The following TBCD variants were observed in gnomAD, a reference collection of about 807,000 sequenced individuals.
The protein encoded by TBCD is tubulin-specific chaperone D.
A neutral mutation model predicts 169.3 loss-of-function variants in TBCD; 105 were observed. The observed-to-expected ratio is 0.62, with a 90% CI of 0.53 to 0.73. TBCD has a LOEUF of 0.73. Among genes scored for constraint, TBCD ranks in the 30% least tolerant of loss-of-function variants. The pLI, the probability that TBCD is intolerant of heterozygous loss-of-function variation, is 0.00. For synonymous variants in TBCD, 700 were observed against 643.9 expected, an observed-to-expected ratio of 1.09 and a Z score of -1.32; for missense variants, 1,444 against 1,600.1, an observed-to-expected ratio of 0.90 and a Z score of 1.66.
chr17:82,935,620 C>T (rs572197209), intron 34 of TBCD, among the ~76,000 whole-genome samples: 4 of 152,246 alleles, frequency 2.6e-5, no homozygotes, highest in Admixed American at 1.3e-4. Context: ...GTATTCTTAG[C>T]GAAGTCCAGT....
intron 13 of TBCD, among the ~76,000 whole-genome samples, chr17:82,822,559 A>C (rs2052502285): frequency 6.6e-6 from 1 of 152,176 alleles, no homozygotes; most frequent in Admixed American, 6.5e-5. Context: ...CAGATCCTAG[A>C]GGGGCTTCAG....
rs890153429 is a variant in TBCD, at chr17:82,929,419, C to T, written c.2910C>T (p.Thr970=). The change falls in exon 32 of 39, where the codon ACC becomes ACT. Residue 970 remains threonine, a synonymous_variant. Coordinates refer to ENST00000355528, the MANE Select transcript of TBCD (RefSeq NM_005993.5). ...SAPSQAFPRI[T]QLLGLPTYRY... ...CTTCCCAGGCCTTCCCACGCATCAC[C>T]CAGCTCCTTGGGCTGCCCACCTACC... 5 of 1,612,890 alleles carry T rather than the reference C, an allele frequency of 3.1e-6. No individual in the cohort carries two copies. The highest frequency in any genetic ancestry group is 2.2e-5 in the East Asian group (1 of 44,872).
intron 34 of TBCD, 151 bp from the exon 35 acceptor site, chr17:82,937,107 TGGGATGGGGACCA>T: frequency 3.2e-6 from 2 of 619,592 alleles, no homozygotes; most frequent in South Asian, 3.9e-5. Context: ...GTGGAGGTAT[TGGGATGGGGACCA>T]GCGGACTTGC....
intron 15 of TBCD, among the ~76,000 whole-genome samples, chr17:82,888,327 T>G (rs1007394182): frequency 6.6e-6 from 1 of 152,256 alleles, no homozygotes. Context: ...TCCCAGCGTC[T>G]TCTTTCTCAG....
chr17:82,844,993 G>A (rs755127807), intron 13 of TBCD, among the ~76,000 whole-genome samples: 13 of 151,822 alleles, frequency 8.6e-5, no homozygotes, highest in Non-Finnish European at 1.6e-4. Context: ...CACCAGAGGT[G>A]GGGGGTGCTT....
chr17:82,826,223 C>CTTT lies in TBCD; in HGVS notation c.1318+11297_1318+11299dup, dbSNP rs553261050. On this transcript the variant is annotated intron_variant, in intron 13 of 38. Transcript: ENST00000355528. ...TATTTTTTCCACAGGTGTTCATGAC[C>CTTT]TTTTTTTTTTATTATTTTTTTAACT... Among the ~76,000 whole-genome samples, 229 of 148,098 alleles carry CTTT rather than the reference C, an allele frequency of 1.5e-3. 1 individual carries two copies. Among genetic ancestry groups the CTTT allele is most frequent in the African/African-American group, 5.5e-3 (222 of 40,200 alleles).
chr17:82,836,002 G>A (rs898228311), intron 13 of TBCD, among the ~76,000 whole-genome samples: 9 of 152,180 alleles, frequency 5.9e-5, no homozygotes, highest in African/African-American at 1.2e-4. Flanking sequence ...GTCTCCCACC[G>A]TGGGCTGCCA....
chr17:82,753,842 C>T (rs952903745), intron 1 of TBCD, among the ~76,000 whole-genome samples: 3 of 149,426 alleles, frequency 2.0e-5, no homozygotes, highest in Non-Finnish European at 3.0e-5. Flanking sequence ...CACGCAGAGC[C>T]GGTTGAAAGG....
Position 82,939,446 on chromosome 17 carries a change from AG to A in TBCD, c.3451del (p.Val1151TrpfsTer2). The A allele has an allele frequency of 6.2e-7, 1 of 1,613,638 alleles. No homozygotes were observed. The highest frequency in any genetic ancestry group is 8.5e-7 in the Non-Finnish European group (1 of 1,179,836). The part of the protein sequence containing the change: ...SDVVGADVLD[E>X]VVTVLSDTAW... The stretch of plus-strand genomic sequence containing the variant: ...GTCGTGGGCGCGGATGTGCTGGACG[AG>A]GTGGTGACTGTGCTCAGTGACACTG... On this transcript the variant is annotated frameshift_variant, in exon 37 of 39. Coordinates refer to ENST00000355528, the MANE Select transcript of TBCD (RefSeq NM_005993.5). LOFTEE classifies it high-confidence loss of function.
intron 13 of TBCD, among the ~76,000 whole-genome samples, chr17:82,859,054 C>T (rs2056546531): frequency 6.6e-6 from 1 of 152,128 alleles, no homozygotes; most frequent in South Asian, 2.1e-4. Flanking sequence ...GGGGAGCCTG[C>T]CGGCTCTGTG....
At chr17:82,797,620 G>T in intron 7 of TBCD, 137 bp from the exon 8 acceptor site, 1 of 672,276 alleles carries the variant, frequency 1.5e-6, no homozygotes, top group Non-Finnish European at 2.5e-6. Context: ...TACAGAAACT[G>T]TTTTCTTTAT....
intron 2 of TBCD, among the ~76,000 whole-genome samples, chr17:82,758,442 G>A (rs1442056361): frequency 7.7e-6 from 1 of 129,204 alleles, no homozygotes; most frequent in Non-Finnish European, 1.7e-5. Flanking sequence ...TAGAGAAGGG[G>A]TCTTGCCGTG....
Position 82,906,024 on chromosome 17 carries a change from C to G in TBCD, c.1893C>G (p.Ala631=), listed in dbSNP as rs747955818. ...SILACAEVAY[A]LYKLAAQENR... is the part of the protein sequence containing the mutation. ...TCGCCTGCGCAGAAGTTGCTTACGC[C>G]TTGTACAAACTTGCAGCCCAAGAGA... The change falls in exon 20 of 39, where the codon GCC becomes GCG. Residue 631 remains alanine (A), a synonymous_variant. Coordinates refer to ENST00000355528, the MANE Select transcript of TBCD (RefSeq NM_005993.5). 6.2e-7 allele frequency: 1 copy of G among 1,610,286 alleles called. No individual in the cohort carries two copies. Among genetic ancestry groups the G allele is most frequent in the Non-Finnish European group, 8.5e-7 (1 of 1,178,324 alleles).
At chr17:82,834,181 C>T (rs923618940) in intron 13 of TBCD, among the ~76,000 whole-genome samples, 1 of 152,150 alleles carries the variant, frequency 6.6e-6, no homozygotes, top group Non-Finnish European at 1.5e-5. Context: ...CTCCTGACCT[C>T]AGGTGATCCA....
intron 6 of TBCD, among the ~76,000 whole-genome samples, chr17:82,780,140 C>T (rs904179590): frequency 6.6e-6 from 1 of 152,170 alleles, no homozygotes; most frequent in Non-Finnish European, 1.5e-5. Context: ...GTTGCCTTTG[C>T]AGTTCGCGAG....
At chr17:82,797,564 T>C (rs1033006005) in intron 7 of TBCD, among the ~76,000 whole-genome samples, 193 bp from the exon 8 acceptor site, 1 of 152,152 alleles carries the variant, frequency 6.6e-6, no homozygotes, top group African/African-American at 2.4e-5. Context: ...TTCAGATGAA[T>C]TTTTGGGAGA....
At chr17:82,762,183 G>T (rs983021441) in intron 2 of TBCD, among the ~76,000 whole-genome samples, 35 of 151,538 alleles carry the variant, frequency 2.3e-4, no homozygotes, top group African/African-American at 7.5e-4. Flanking sequence ...CAGTGTGGCG[G>T]TGTGCGCATG....
chr17:82,764,284 A>T (rs1313632051), intron 3 of TBCD, among the ~76,000 whole-genome samples: 2 of 152,192 alleles, frequency 1.3e-5, no homozygotes, highest in East Asian at 3.8e-4. Flanking sequence ...ATTTGAATAG[A>T]TTGAAGCACT....
Position 82,925,048 on chromosome 17 carries a change from G to T in TBCD, c.2370G>T (p.Arg790=). 6.4e-7 allele frequency: 1 copy of T among 1,555,274 alleles called. No individual in the cohort carries two copies. ...TTCCAGGCTTCCTTCTGAAAGGCCGGCTCCAGCAGGTGAGGCTGGCCACGC... is the reference window on the plus strand; with the variant it reads ...TTCCAGGCTTCCTTCTGAAAGGCCGTCTCCAGCAGGTGAGGCTGGCCACGC... ...GALPGFLLKG[R]LQQVLTGLRA... is the part of the protein sequence containing the mutation. Residue 790 remains arginine (R), a synonymous_variant, in exon 27 of 39, where the codon CGG becomes CGT. Coordinates refer to ENST00000355528, the MANE Select transcript of TBCD (RefSeq NM_005993.5).
Sources: allele counts gnomAD v4.1 joint callset (sites outside exome capture counted in the v4.1 genomes callset), GRCh38; gene constraint gnomAD v4.1.1; transcripts MANE v1.5; gene names NCBI Gene and HGNC (gene_info 2026-07-23, HGNC 2026-07-21).